FBXW7: variants seen among roughly 807,000 people sequenced by gnomAD.
FBXW7 encodes F-box and WD repeat domain containing 7.
Under a neutral mutation model 86.3 loss-of-function variants are expected in FBXW7, and 11 were observed. The ratio of observed to expected loss-of-function variants is 0.13; its 90% CI spans 0.08 to 0.21. The LOEUF (loss-of-function observed/expected upper bound fraction) is 0.21, where lower values mean the gene tolerates loss of function less well. Ranked by LOEUF, FBXW7 falls within the 10% of genes least tolerant of loss-of-function variation. FBXW7 has a pLI of 1.00. For synonymous variants in FBXW7, 313 were observed against 297.9 expected (o/e 1.05, Z -0.52); for missense variants, 488 against 847.4 (o/e 0.58, Z 5.27).
intron 4 of FBXW7, among the ~76,000 whole-genome samples, chr4:152,371,137 ATATCATCTTTAAAAATCT>A: frequency 6.6e-6 from 1 of 152,048 alleles, no homozygotes; most frequent in Non-Finnish European, 1.5e-5. Context: ...AGTAAAATTA[ATATCATCTTTAAAAATCT>A]TAAATTATAT....
rs1745818500 is a variant in FBXW7, at chr4:152,491,196, T to C, written c.-120+43745A>G. 5.9e-5 allele frequency among the ~76,000 whole-genome samples: 9 copies of C among 152,300 alleles called. No individual in the cohort carries two copies. The South Asian group carries it at 1.9e-3, about 32-fold the overall frequency. The stretch of plus-strand genomic sequence containing the variant: ...GAAAGAAACCATTATCATTTCTCAG[T>C]CATTCTCTCACATTCATACATTTTA... On this transcript the variant is annotated intron_variant, in intron 2 of 13. Coordinates refer to ENST00000281708, the MANE Select transcript of FBXW7 (RefSeq NM_001349798.2).
chr4:152,508,124 G>T (rs2149710106), intron 2 of FBXW7, among the ~76,000 whole-genome samples: 1 of 151,674 alleles, frequency 6.6e-6, no homozygotes, highest in African/African-American at 2.4e-5. Context: ...ATGTCAAAAG[G>T]ACCAGGAACC....
At chr4:152,461,091 C>T (rs1453856048) in intron 2 of FBXW7, among the ~76,000 whole-genome samples, 3 of 152,052 alleles carry the variant, frequency 2.0e-5, no homozygotes, top group African/African-American at 4.8e-5. Flanking sequence ...TCAAGACCAG[C>T]CTGGCCAACA....
At chr4:152,429,695 C>A (rs1210440738) in intron 2 of FBXW7, among the ~76,000 whole-genome samples, 1 of 152,166 alleles carries the variant, frequency 6.6e-6, no homozygotes, top group Non-Finnish European at 1.5e-5. Flanking sequence ...TTTGGGCAAG[C>A]AACCTTAATC....
intron 2 of FBXW7, among the ~76,000 whole-genome samples, chr4:152,422,555 T>C (rs955710812): frequency 2.0e-5 from 3 of 152,222 alleles, no homozygotes; most frequent in Non-Finnish European, 4.4e-5. Context: ...GATGAAGCTC[T>C]AGGGGAGTTT....
chr4:152,388,088 T>C (rs956426792), intron 4 of FBXW7, among the ~76,000 whole-genome samples: 7 of 152,172 alleles, frequency 4.6e-5, no homozygotes, highest in Admixed American at 3.9e-4. Flanking sequence ...TAAAATGTTT[T>C]TATAAGATTA....
chr4:152,535,351 A>G lies in FBXW7; in HGVS notation c.-437T>C. The G allele has an allele frequency of 2.8e-6, 1 of 361,414 alleles. No homozygotes were observed. The highest frequency in any genetic ancestry group is 4.9e-6 in the Non-Finnish European group (1 of 202,956). 22.4% of individuals were successfully genotyped at this position (361,414 alleles called of 1,614,324 possible). A position where few individuals can be genotyped will look rare whatever the true frequency, so the allele number is the denominator to read the frequency against. ...AACTCCTCCCGGAGTCCAGCCAAGGAGCCGGGGGGCCGGCGACTGGCCAAG... is the reference window on the plus strand; with the variant it reads ...AACTCCTCCCGGAGTCCAGCCAAGGGGCCGGGGGGCCGGCGACTGGCCAAG... On this transcript the variant is annotated 5_prime_UTR_variant, in exon 1 of 14. Coordinates refer to ENST00000281708, the MANE Select transcript of FBXW7 (RefSeq NM_001349798.2).
At chr4:152,488,844 G>C (rs972098181) in intron 2 of FBXW7, among the ~76,000 whole-genome samples, 5 of 151,980 alleles carry the variant, frequency 3.3e-5, no homozygotes, top group Middle Eastern at 3.4e-3. Flanking sequence ...TATTCAATTA[G>C]CACCAATCAA....
At chr4:152,456,887 T>C (rs779994244) in intron 2 of FBXW7, among the ~76,000 whole-genome samples, 4 of 152,078 alleles carry the variant, frequency 2.6e-5, no homozygotes, top group Non-Finnish European at 5.9e-5. Flanking sequence ...AGAGCACAAG[T>C]CCACATAAAA....
At chr4:152,333,689 A>G (rs1729790894) in intron 7 of FBXW7, among the ~76,000 whole-genome samples, 1 of 152,148 alleles carries the variant, frequency 6.6e-6, no homozygotes, top group Non-Finnish European at 1.5e-5. Context: ...CACAATTTTA[A>G]TTATTTTTTG....
At chr4:152,395,699 C>G (rs761558634) in intron 4 of FBXW7, among the ~76,000 whole-genome samples, 5 of 152,044 alleles carry the variant, frequency 3.3e-5, no homozygotes, top group Admixed American at 1.3e-4. Flanking sequence ...ATTAATGGAT[C>G]AGCACTGGAG....
chr4:152,471,728 G>C (rs1258310361), intron 2 of FBXW7, among the ~76,000 whole-genome samples: 1 of 151,630 alleles, frequency 6.6e-6, no homozygotes, highest in Non-Finnish European at 1.5e-5. Context: ...GTGAGATTCT[G>C]TCTCTACAAA....
chr4:152,506,038 T>G (rs756910385), intron 2 of FBXW7, among the ~76,000 whole-genome samples: 3 of 152,006 alleles, frequency 2.0e-5, no homozygotes, highest in Admixed American at 6.6e-5. Flanking sequence ...AACAGTGCAT[T>G]CTAAAGTAAC....
At chr4:152,485,640 G>A (rs1263301364) in intron 2 of FBXW7, among the ~76,000 whole-genome samples, 2 of 152,128 alleles carry the variant, frequency 1.3e-5, no homozygotes, top group African/African-American at 2.4e-5. Context: ...ATGACACCCA[G>A]TAATGCATCC....
chr4:152,483,478 G>C (rs540512868), intron 2 of FBXW7, among the ~76,000 whole-genome samples: 3 of 151,862 alleles, frequency 2.0e-5, no homozygotes, highest in African/African-American at 7.2e-5. Context: ...CTGAGGTGAA[G>C]GATCACTTGA....
At chr4:152,479,450 C>G (rs1197490329) in intron 2 of FBXW7, among the ~76,000 whole-genome samples, 1 of 152,074 alleles carries the variant, frequency 6.6e-6, no homozygotes, top group African/African-American at 2.4e-5. Flanking sequence ...TCTCTTTGGT[C>G]TCGCCTGTCC....
chr4:152,364,324 A>C (rs1285334542), intron 4 of FBXW7, among the ~76,000 whole-genome samples: 3 of 152,150 alleles, frequency 2.0e-5, no homozygotes, highest in African/African-American at 7.2e-5. Context: ...TATTTCCCTA[A>C]AATATGAAAT....
chr4:152,452,514 T>A (rs904000146), intron 2 of FBXW7, among the ~76,000 whole-genome samples: 1 of 152,236 alleles, frequency 6.6e-6, no homozygotes, highest in Non-Finnish European at 1.5e-5. Context: ...ACAATTGTTA[T>A]CAGCTGTGTC....
At chr4:152,400,595 C>T (rs1299752346) in intron 4 of FBXW7, among the ~76,000 whole-genome samples, 1 of 152,074 alleles carries the variant, frequency 6.6e-6, no homozygotes, top group South Asian at 2.1e-4. Context: ...GATCCTCCCA[C>T]CTCAGCCTGC....
Sources: allele counts gnomAD v4.1 joint callset (sites outside exome capture counted in the v4.1 genomes callset), GRCh38; gene constraint gnomAD v4.1.1; transcripts MANE v1.5; gene names NCBI Gene and HGNC (gene_info 2026-07-23, HGNC 2026-07-21).